Variants in NVL observed in about 807,000 individuals in gnomAD.
The protein encoded by NVL is nuclear VCP like.
NVL carries 84 observed loss-of-function variants against 110.2 expected under a neutral mutation model. That is an observed-to-expected ratio of 0.76 (90% CI 0.64 to 0.91). The LOEUF is 0.91. Among genes scored for constraint, NVL ranks in the 40% least tolerant of loss-of-function variants. The probability of loss-of-function intolerance (pLI) is 0.00; values close to 1 mark genes in which losing one functional copy is unlikely to be tolerated. For synonymous variants in NVL, 354 were observed against 361.1 expected, an observed-to-expected ratio of 0.98 and a Z score of 0.22; for missense variants, 882 against 1,035.9, an observed-to-expected ratio of 0.85 and a Z score of 2.04.
At chr1:224,312,166 ATTATAG>A (rs1669589725) in intron 4 of NVL, 1 of 198,658 alleles carries the variant, frequency 5.0e-6, no homozygotes, top group African/African-American at 2.3e-5. Flanking sequence ...TGCAAAATAA[ATTATAG>A]TTATATTTAT....
intron 6 of NVL, among the ~76,000 whole-genome samples, chr1:224,307,083 A>G (rs1458515860): frequency 6.6e-6 from 1 of 152,234 alleles, no homozygotes; most frequent in Non-Finnish European, 1.5e-5. Context: ...TTAACCCAGT[A>G]TATCCAAAAT....
intron 22 of NVL, among the ~76,000 whole-genome samples, chr1:224,228,678 A>G (rs1160565759): frequency 1.4e-5 from 2 of 147,628 alleles, no homozygotes; most frequent in Non-Finnish European, 1.5e-5. Flanking sequence ...GGTGGCTCAC[A>G]CCTGTAATCC....
At chr1:224,240,061 A>ATT (rs34586586) in intron 19 of NVL, among the ~76,000 whole-genome samples, 20,727 of 90,906 alleles carry the variant, frequency 0.23, 4,506 homozygotes, top group African/African-American at 0.33. Flanking sequence ...ACGCTGGGTA[A>ATT]TTTTTTTTTT....
At position 224,264,244 on chromosome 1, in the gene NVL, A is replaced by AT. The variant is rs761611227; in HGVS notation, c.2182+3789dup. Reference sequence around the variant, plus strand: ...AATTGTGAGCCAAATAAAAATGGTGATTTTTTTTTTTTTTTGTGAGATGGA... The same window carrying AT: ...AATTGTGAGCCAAATAAAAATGGTGATTTTTTTTTTTTTTTTGTGAGATGGA... On this transcript the variant is annotated intron_variant, in intron 18 of 22. Coordinates refer to ENST00000281701, the MANE Select transcript of NVL (RefSeq NM_002533.4). Among the ~76,000 whole-genome samples, 984 of 139,698 alleles carry AT rather than the reference A, an allele frequency of 7.0e-3. 2 individuals carry two copies. Among genetic ancestry groups the AT allele is most frequent in the Admixed American group, 9.4e-3 (131 of 13,882 alleles). The allele number at this position is 139,698 out of a possible 152,430, so 91.6% of individuals were successfully genotyped here. A position where few individuals can be genotyped will look rare whatever the true frequency, so the allele number is the denominator to read the frequency against.
At chr1:224,253,731 C>CA (rs770232348) in intron 18 of NVL, among the ~76,000 whole-genome samples, 11,051 of 54,990 alleles carry the variant, frequency 0.2, 1,015 homozygotes, top group East Asian at 0.44. Flanking sequence ...GGCTCGGTCT[C>CA]AAAAAAAAAA....
Position 224,283,832 on chromosome 1 carries a change from A to G in NVL, c.1899+2194T>C, listed in dbSNP as rs539148563. On this transcript the variant is annotated intron_variant, in intron 15 of 22. Transcript: ENST00000281701. ...GACTGTGTTGTTCTCTTCTACCTCC[A>G]TACCCAGCTCTCTGAAAGCAATGCC... is the stretch of plus-strand genomic sequence containing the variant. Among the ~76,000 whole-genome samples the G allele has an allele frequency of 1.8e-4, 27 of 152,336 alleles. 1 individual carries two copies. In the South Asian group the frequency reaches 3.9e-3, roughly 22 times the overall value.
At chr1:224,251,731 C>T (rs973294262) in intron 18 of NVL, among the ~76,000 whole-genome samples, 3 of 152,098 alleles carry the variant, frequency 2.0e-5, no homozygotes, top group African/African-American at 7.2e-5. Context: ...TTCCAGGATT[C>T]CCTATCTCAG....
chr1:224,281,319 TA>T, intron 15 of NVL, 134 bp from the exon 16 acceptor site: 1 of 627,938 alleles, frequency 1.6e-6, no homozygotes, highest in South Asian at 1.9e-5. Flanking sequence ...GTGTGAGATT[TA>T]GATGGAGTCT....
chr1:224,314,710 TATC>T (rs972821030), intron 4 of NVL, among the ~76,000 whole-genome samples: 40 of 152,278 alleles, frequency 2.6e-4, no homozygotes, highest in African/African-American at 9.4e-4. Flanking sequence ...TTCCCACTAA[TATC>T]ATGAGGCCGG....
Position 224,305,160 on chromosome 1 carries a change from T to C in NVL, c.622A>G (p.Lys208Glu). The C allele has an allele frequency of 1.9e-6, 3 of 1,603,144 alleles. No homozygotes were observed. Among genetic ancestry groups the C allele is most frequent in the Non-Finnish European group, 2.5e-6 (3 of 1,177,590 alleles). The change falls in exon 7 of 23, where the codon AAA (lysine) becomes GAA (glutamate). Residue 208 changes from lysine (K) to glutamate (E), a missense_variant. Around this residue, in one of 4 missense-constraint regions of NVL, gnomAD observed 274 missense variants for 268.4 expected, o/e 1.02. Coordinates refer to ENST00000281701, the MANE Select transcript of NVL (RefSeq NM_002533.4). ...TCACTCTCCAAAAGAGAAGAATCTT[T>C]TGAATCCTGGAAAGAAAATAAATTT... The part of the protein sequence containing the change: ...KKPITEIQDS[K>E]DSSLLESDMK...
At chr1:224,243,543 C>T (rs1661449304) in intron 19 of NVL, among the ~76,000 whole-genome samples, 1 of 151,954 alleles carries the variant, frequency 6.6e-6, no homozygotes, top group Non-Finnish European at 1.5e-5. Context: ...AAGACATACA[C>T]TTCAAAGGGA....
intron 6 of NVL, among the ~76,000 whole-genome samples, chr1:224,306,696 G>T (rs368131734): frequency 3.9e-5 from 6 of 152,250 alleles, no homozygotes; most frequent in African/African-American, 1.2e-4. Context: ...GCCAGGTGTG[G>T]TGGTGGGCAC....
chr1:224,257,833 C>A (rs1663465919), intron 18 of NVL, among the ~76,000 whole-genome samples: 1 of 152,140 alleles, frequency 6.6e-6, no homozygotes, highest in Admixed American at 6.6e-5. Flanking sequence ...AGTCACTGCA[C>A]TGGGCCCGAC....
In NVL at chr1:224,286,019, A is replaced by G; in HGVS notation, c.1899+7T>C. 6.2e-7 allele frequency: 1 copy of G among 1,605,860 alleles called. No individual in the cohort carries two copies. The highest frequency in any genetic ancestry group is 8.5e-7 in the Non-Finnish European group (1 of 1,172,602). ...ATAAATTACATGCAATTGAACTTAT[A>G]TGATACCTTCGCCAGCAGAGTCTTC... is the stretch of plus-strand genomic sequence containing the variant. On this transcript the variant is annotated splice_region_variant and intron_variant, in intron 15 of 22. Transcript: ENST00000281701.
At chr1:224,265,591 C>T (rs978499896) in intron 18 of NVL, among the ~76,000 whole-genome samples, 2 of 152,030 alleles carry the variant, frequency 1.3e-5, no homozygotes, top group African/African-American at 2.4e-5. Context: ...TTACAGGAAA[C>T]GAAAGATTGA....
chr1:224,311,210 A>G (rs781462779), intron 5 of NVL, among the ~76,000 whole-genome samples: 3 of 151,638 alleles, frequency 2.0e-5, no homozygotes, highest in Non-Finnish European at 4.4e-5. Context: ...GGTGCAAGCC[A>G]TTACACCTGG....
chr1:224,266,924 A>G (rs1664554364), intron 18 of NVL, among the ~76,000 whole-genome samples: 1 of 152,230 alleles, frequency 6.6e-6, no homozygotes, highest in African/African-American at 2.4e-5. Flanking sequence ...AAAAGTGCCA[A>G]AATGATGGTC....
At chr1:224,235,933 G>A (rs1384157196) in intron 20 of NVL, among the ~76,000 whole-genome samples, 10 of 142,362 alleles carry the variant, frequency 7.0e-5, no homozygotes, top group African/African-American at 7.8e-5. Context: ...ACCCTGTATG[G>A]AAAAAAAAAA....
chr1:224,266,253 C>A (rs2102815543), intron 18 of NVL, among the ~76,000 whole-genome samples: 1 of 152,318 alleles, frequency 6.6e-6, no homozygotes, highest in Middle Eastern at 3.4e-3. Flanking sequence ...CTGCTTCTTT[C>A]TTCTCCAGAC....
Sources: allele counts gnomAD v4.1 joint callset (sites outside exome capture counted in the v4.1 genomes callset), GRCh38; gene constraint gnomAD v4.1.1; regional missense constraint gnomAD v4.1.1; transcripts MANE v1.5; gene names NCBI Gene and HGNC (gene_info 2026-07-23, HGNC 2026-07-21).